Variants in GCA observed in about 807,000 individuals in gnomAD.
The protein encoded by GCA is grancalcin.
A neutral mutation model predicts 32.6 loss-of-function variants in GCA; 30 were observed. That is an observed-to-expected ratio of 0.92 (90% CI 0.69 to 1.25). The LOEUF (loss-of-function observed/expected upper bound fraction) is 1.25, where lower values mean the gene tolerates loss of function less well. Ranked by LOEUF, GCA falls within the 50% of genes most tolerant of loss-of-function variation. The pLI is 0.00. For missense variants in GCA, 291 were observed against 266.8 expected (o/e 1.09, Z -0.63); for synonymous variants, 102 against 84.6 (o/e 1.21, Z -1.13).
intron 2 of GCA, among the ~76,000 whole-genome samples, chr2:162,351,342 A>G (rs1444398063): frequency 6.6e-6 from 1 of 152,176 alleles, no homozygotes; most frequent in Non-Finnish European, 1.5e-5. Flanking sequence ...GTTGGATATC[A>G]TTTTAAAATC....
Position 162,363,031 on chromosome 2 carries a change from A to G in GCA, c.*2788A>G, listed in dbSNP as rs565720982. Among the ~76,000 whole-genome samples the G allele has an allele frequency of 6.6e-6, 1 of 151,426 alleles. No individual in the cohort carries two copies. ...AATAACAAAAAATCAATTTGTGATT[A>G]TTTCTTTAAGTAAAATATAAGACAT... On this transcript the variant is annotated 3_prime_UTR_variant, in exon 8 of 8. Coordinates refer to ENST00000437150, the MANE Select transcript of GCA (RefSeq NM_012198.5).
At chr2:162,330,195 T>TGGGATTG (rs941468338) in intron 1 of GCA, among the ~76,000 whole-genome samples, 8 of 152,198 alleles carry the variant, frequency 5.3e-5, no homozygotes, top group Non-Finnish European at 1.2e-4. Context: ...TACCCAGTAA[T>TGGGATTG]GGGATTGCTG....
intron 1 of GCA, among the ~76,000 whole-genome samples, chr2:162,332,318 A>AT (rs1397281027): frequency 4.4e-5 from 6 of 136,352 alleles, no homozygotes; most frequent in African/African-American, 1.6e-4. Flanking sequence ...CAAAAAAAAA[A>AT]AAAAATATAT....
chr2:162,352,217 A>T lies in GCA; in HGVS notation c.193-121A>T, dbSNP rs1685036398. 1.1e-5 allele frequency: 7 copies of T among 618,768 alleles called. No homozygotes were observed. The East Asian group carries it at 1.9e-4, about 17-fold the overall frequency. The allele number at this position is 618,768 out of a possible 1,614,324, so 38.3% of individuals were successfully genotyped here. A position where few individuals can be genotyped will look rare whatever the true frequency, so the allele number is the denominator to read the frequency against. On this transcript the variant is annotated intron_variant, in intron 2 of 7. Transcript: ENST00000437150. ...TAATTATCTCTAGAATTTTGTAGTT[A>T]ATTATAGAGTAATGTTTCAAAGAAT...
At chr2:162,321,544 G>A (rs890303161) in intron 1 of GCA, among the ~76,000 whole-genome samples, 2 of 151,992 alleles carry the variant, frequency 1.3e-5, no homozygotes, top group African/African-American at 2.4e-5. Context: ...CCTGCTTTGT[G>A]TAATTTAAAG....
chr2:162,354,925 C>A (rs1685191001), intron 3 of GCA, among the ~76,000 whole-genome samples: 1 of 152,204 alleles, frequency 6.6e-6, no homozygotes, highest in South Asian at 2.1e-4. Context: ...TCTTCTTATA[C>A]ATACACATTC....
intron 1 of GCA, among the ~76,000 whole-genome samples, chr2:162,325,782 A>G (rs983072927): frequency 6.6e-6 from 1 of 152,134 alleles, no homozygotes; most frequent in Non-Finnish European, 1.5e-5. Context: ...GTAATATAAC[A>G]TCTCTCCAGG....
rs115068026 is a variant in GCA, at chr2:162,354,378, C to A, written c.262+1971C>A. Among the ~76,000 whole-genome samples, 796 of 152,222 alleles carry A rather than the reference C, an allele frequency of 5.2e-3. 2 individuals are homozygous for A. The highest frequency in any genetic ancestry group is 9.0e-3 in the Non-Finnish European group (614 of 68,002). ...GGAGAGGTGGACTCAGAAGGGTTCT[C>A]AAATCTTTTGTAAATTGTCCTTTAA... On this transcript the variant is annotated intron_variant, in intron 3 of 7. Coordinates refer to ENST00000437150, the MANE Select transcript of GCA (RefSeq NM_012198.5).
At chr2:162,322,089 G>A (rs1162687846) in intron 1 of GCA, among the ~76,000 whole-genome samples, 1 of 149,864 alleles carries the variant, frequency 6.7e-6, no homozygotes, top group Non-Finnish European at 1.5e-5. Context: ...ATAGTAGTAA[G>A]CCTAAAATAG....
intron 1 of GCA, among the ~76,000 whole-genome samples, chr2:162,323,642 C>T (rs374885708): frequency 1.5e-4 from 23 of 151,852 alleles, no homozygotes; most frequent in South Asian, 2.1e-4. Flanking sequence ...GCCAGTTTTC[C>T]CAGCACCATT....
rs189381685 is a variant in GCA at position 162,330,838 on chromosome 2, G to T, written c.-31+11613G>T. Among the ~76,000 whole-genome samples, 43 of 152,286 alleles carry T rather than the reference G, an allele frequency of 2.8e-4. 1 individual carries two copies. The East Asian group carries it at 6.7e-3, about 24-fold the overall frequency. The stretch of plus-strand genomic sequence containing the variant: ...AAGTCACTATAAGCACTGAATTAGT[G>T]AATACTGAGCCATTGCTTCTAGAGA... On this transcript the variant is annotated intron_variant, in intron 1 of 4. Coordinates refer to the GCA transcript ENST00000429691.
intron 5 of GCA, among the ~76,000 whole-genome samples, chr2:162,358,028 TTC>T (rs1395795453): frequency 6.6e-6 from 1 of 151,620 alleles, no homozygotes; most frequent in Non-Finnish European, 1.5e-5. Context: ...GTTTTACTGC[TTC>T]TTTCAATTTA....
chr2:162,331,964 C>G (rs2105275229), intron 1 of GCA, among the ~76,000 whole-genome samples: 1 of 152,232 alleles, frequency 6.6e-6, no homozygotes, highest in East Asian at 1.9e-4. Context: ...TTGGCCTGGG[C>G]ATTGTCACAT....
At chr2:162,374,249 G>T (rs902476704), downstream of GCA, among the ~76,000 whole-genome samples, 4 of 152,000 alleles carry the variant, frequency 2.6e-5, no homozygotes, top group East Asian at 7.7e-4. Flanking sequence ...ATGGCCTTTG[G>T]TATGTAAGAA....
chr2:162,365,615 C>T (rs771119415), downstream of GCA, among the ~76,000 whole-genome samples: 1 of 151,638 alleles, frequency 6.6e-6, no homozygotes, highest in Non-Finnish European at 1.5e-5. Flanking sequence ...AGATGACTGA[C>T]ATTTTCAAGT....
At position 162,360,512 on chromosome 2, in the gene GCA, C is replaced by T; in HGVS notation, c.*269C>T. 3 of 973,768 alleles carry T rather than the reference C, an allele frequency of 3.1e-6. No homozygotes were observed. The South Asian group carries it at 1.1e-4, about 35-fold the overall frequency. The allele number at this position is 973,768 out of a possible 1,614,324, so 60.3% of individuals were successfully genotyped here. A position where few individuals can be genotyped will look rare whatever the true frequency, so the allele number is the denominator to read the frequency against. ...GTATGATTAATTGATTTAAATAATG[C>T]TTAGCCTTAATTTTAGATAATGTAA... On this transcript the variant is annotated 3_prime_UTR_variant, in exon 8 of 8. Transcript: ENST00000437150.
chr2:162,339,304 TA>T (rs905504578), upstream of GCA, among the ~76,000 whole-genome samples: 31 of 152,066 alleles, frequency 2.0e-4, no homozygotes, highest in Non-Finnish European at 3.1e-4. Context: ...TATTCCATAT[TA>T]AAAAAATGAA....
chr2:162,373,980 A>G (rs115440194), downstream of GCA, among the ~76,000 whole-genome samples: 506 of 152,292 alleles, frequency 3.3e-3, 8 homozygotes, highest in African/African-American at 0.011. Flanking sequence ...TTTAATCAGT[A>G]ATTGTCTTTG....
intron 5 of GCA, 103 bp from the exon 6 acceptor site, chr2:162,358,941 G>A: frequency 1.8e-6 from 1 of 564,600 alleles, no homozygotes; most frequent in East Asian, 3.0e-5. Context: ...TTATATTTTT[G>A]TGGAATGAAT....
Sources: allele counts gnomAD v4.1 joint callset (sites outside exome capture counted in the v4.1 genomes callset), GRCh38; gene constraint gnomAD v4.1.1; transcripts MANE v1.5; gene names NCBI Gene and HGNC (gene_info 2026-07-23, HGNC 2026-07-21).